Variants in SLC14A2 observed in about 807,000 individuals in gnomAD.
SLC14A2 encodes the protein urea transporter 2.
SLC14A2 carries 91 observed loss-of-function variants against 104.6 expected under a neutral mutation model. The ratio of observed to expected loss-of-function variants is 0.87; its 90% confidence interval spans 0.73 to 1.04. The LOEUF (loss-of-function observed/expected upper bound fraction) is 1.04, where lower values mean the gene tolerates loss of function less well. Ranked by LOEUF, SLC14A2 falls within the 50% of genes least tolerant of loss-of-function variation. The probability of loss-of-function intolerance (pLI) is 0.00; values close to 1 mark genes in which losing one functional copy is unlikely to be tolerated. For synonymous variants in SLC14A2, 476 were observed against 466.4 expected (o/e 1.02, Z -0.27); for missense variants, 1,189 against 1,156.0 (o/e 1.03, Z -0.41).
chr18:45,682,562 C>A lies in SLC14A2; in HGVS notation c.*43C>A. ...ACATCAGTGTAAATTCAGGCTTCAG[C>A]ACGCCGTCCAGATCCCCAGGATAAG... On this transcript the variant is annotated 3_prime_UTR_variant, in exon 20 of 20. Transcript: ENST00000255226. 2 of 1,540,620 alleles carry A rather than the reference C, an allele frequency of 1.3e-6. No individual in the cohort carries two copies. The highest frequency in any genetic ancestry group is 1.8e-6 in the Non-Finnish European group (2 of 1,112,946).
In SLC14A2 at chr18:45,682,593, A is replaced by T; in HGVS notation, c.*74A>T. 1 of 1,234,696 alleles carries T rather than the reference A, an allele frequency of 8.1e-7. No homozygotes were observed. Among genetic ancestry groups the T allele is most frequent in the Non-Finnish European group, 1.2e-6 (1 of 836,372 alleles). 76.5% of individuals were successfully genotyped at this position (1,234,696 alleles called of 1,614,324 possible). On this transcript the variant is annotated 3_prime_UTR_variant, in exon 20 of 20. Coordinates refer to ENST00000255226, the MANE Select transcript of SLC14A2 (RefSeq NM_007163.4). ...GTCCAGATCCCCAGGATAAGAGACC[A>T]CTTAGCCTTCCCTTTGGTCTGTTCT... is the stretch of plus-strand genomic sequence containing the variant.
intron 1 of SLC14A2, among the ~76,000 whole-genome samples, chr18:45,401,086 G>A (rs1205293327): frequency 6.6e-6 from 1 of 152,162 alleles, no homozygotes; most frequent in Non-Finnish European, 1.5e-5. Flanking sequence ...CCTCTAGGGT[G>A]TTGCTGCTTG....
chr18:45,396,394 A>G (rs1192720998), intron 1 of SLC14A2, among the ~76,000 whole-genome samples: 1 of 152,176 alleles, frequency 6.6e-6, no homozygotes, highest in Non-Finnish European at 1.5e-5. Flanking sequence ...GTCTGTTAAC[A>G]TATACTCCTA....
At chr18:45,481,800 G>A (rs2087498564) in intron 1 of SLC14A2, among the ~76,000 whole-genome samples, 1 of 152,174 alleles carries the variant, frequency 6.6e-6, no homozygotes, top group Non-Finnish European at 1.5e-5. Context: ...GGACTTCTGT[G>A]TCCATTGAAA....
At chr18:45,280,186 T>G (rs2084747460) in intron 1 of SLC14A2, among the ~76,000 whole-genome samples, 1 of 152,036 alleles carries the variant, frequency 6.6e-6, no homozygotes, top group African/African-American at 2.4e-5. Context: ...GAGGTAAGAT[T>G]TGAAAGGAAC....
intron 1 of SLC14A2, among the ~76,000 whole-genome samples, chr18:45,230,996 T>C (rs547164532): frequency 2.0e-5 from 3 of 152,276 alleles, no homozygotes; most frequent in Non-Finnish European, 2.9e-5. Flanking sequence ...AACAAAAGTG[T>C]ATTGGCAAGA....
In SLC14A2 at chr18:45,344,136, A is replaced by C. The variant is rs537465345; in HGVS notation, c.-125+130945A>C. Among the ~76,000 whole-genome samples the C allele has an allele frequency of 3.3e-5, 5 of 152,062 alleles. 1 individual carries two copies. In the South Asian group the frequency reaches 1.0e-3, roughly 32 times the overall value. ...TTGTCATTATATTATTATCACTCCTACTATGCCCCATAGTACCTGACAATC... is the reference window on the plus strand; with the variant it reads ...TTGTCATTATATTATTATCACTCCTCCTATGCCCCATAGTACCTGACAATC... On this transcript the variant is annotated intron_variant, in intron 1 of 20. Transcript: ENST00000586448.
intron 1 of SLC14A2, among the ~76,000 whole-genome samples, chr18:45,214,811 T>TAC (rs1428278965): frequency 6.6e-6 from 1 of 151,484 alleles, no homozygotes; most frequent in African/African-American, 2.4e-5. Flanking sequence ...ATTGAACACT[T>TAC]ACGGTCTGTG....
chr18:45,553,694 C>T (rs1024789153), intron 2 of SLC14A2, among the ~76,000 whole-genome samples: 80 of 152,266 alleles, frequency 5.3e-4, no homozygotes, highest in African/African-American at 1.7e-3. Context: ...GGACCTTCAA[C>T]GCTTAACCCC....
chr18:45,493,913 C>T (rs2043044288), intron 2 of SLC14A2, among the ~76,000 whole-genome samples: 1 of 152,206 alleles, frequency 6.6e-6, no homozygotes, highest in South Asian at 2.1e-4. Context: ...ACAAAGGCCA[C>T]TGCATAAAGG....
intron 5 of SLC14A2, 35 bp from the exon 6 acceptor site, chr18:45,636,955 C>A: frequency 6.4e-7 from 1 of 1,564,214 alleles, no homozygotes; most frequent in South Asian, 1.2e-5. Context: ...CTCAGGATGT[C>A]ACAGGGATTA....
At chr18:45,638,381 A>C (rs974633469) in intron 6 of SLC14A2, among the ~76,000 whole-genome samples, 2 of 152,220 alleles carry the variant, frequency 1.3e-5, no homozygotes, top group Admixed American at 6.5e-5. Context: ...GGCTCTTCAA[A>C]TACTACTCCC....
intron 10 of SLC14A2, among the ~76,000 whole-genome samples, chr18:45,654,560 C>G (rs1347115620): frequency 6.6e-6 from 1 of 152,132 alleles, no homozygotes; most frequent in Non-Finnish European, 1.5e-5. Context: ...CTGTTTCTTC[C>G]TTCTGTTGAA....
intron 1 of SLC14A2, among the ~76,000 whole-genome samples, chr18:45,356,210 C>T (rs556047703): frequency 1.2e-4 from 18 of 152,300 alleles, no homozygotes; most frequent in Non-Finnish European, 2.5e-4. Context: ...ATGTTCAATA[C>T]CTTCTCCAAG....
At chr18:45,400,097 A>G (rs143114065) in intron 1 of SLC14A2, among the ~76,000 whole-genome samples, 2,950 of 152,354 alleles carry the variant, frequency 0.019, 47 homozygotes, top group South Asian at 0.084. Context: ...AAACTTACAA[A>G]AAAAGTTGCA....
upstream of SLC14A2, among the ~76,000 whole-genome samples, chr18:45,212,611 CT>C (rs1456210270): frequency 8.6e-5 from 13 of 152,042 alleles, no homozygotes; most frequent in Admixed American, 8.5e-4. Context: ...ATATTGATCC[CT>C]TATCTATATA....
intron 1 of SLC14A2, among the ~76,000 whole-genome samples, chr18:45,294,154 T>G (rs1309847309): frequency 2.0e-5 from 3 of 152,224 alleles, no homozygotes; most frequent in Non-Finnish European, 4.4e-5. Context: ...TCTTCAGAAA[T>G]GTAAATATGT....
intron 1 of SLC14A2, among the ~76,000 whole-genome samples, chr18:45,416,166 C>T (rs1247767086): frequency 1.3e-5 from 2 of 151,214 alleles, no homozygotes; most frequent in Non-Finnish European, 2.9e-5. Context: ...TCTTAGAATT[C>T]ATTTGCCTAT....
chr18:45,608,406 C>CA (rs1326456047), intron 2 of SLC14A2, among the ~76,000 whole-genome samples: 1 of 152,230 alleles, frequency 6.6e-6, no homozygotes, highest in East Asian at 1.9e-4. Context: ...ATCCCTGCCT[C>CA]ATGGATTAGG....
Sources: gnomAD v4.1 joint callset for allele counts (sites outside exome capture counted in the v4.1 genomes callset) on GRCh38, gnomAD v4.1.1 for gene constraint, MANE v1.5 for transcripts, NCBI Gene and HGNC (gene_info 2026-07-23, HGNC 2026-07-21) for gene names.